Variants in PDE8B observed in about 807,000 individuals in gnomAD.
PDE8B encodes the protein high affinity cAMP-specific and IBMX-insensitive 3',5'-cyclic phosphodiesterase 8B.
PDE8B carries 26 observed loss-of-function variants against 101.3 expected under a neutral mutation model. The observed-to-expected ratio is 0.26, with a 90% confidence interval of 0.19 to 0.36. PDE8B has a LOEUF of 0.36. PDE8B is among the 10% of genes least tolerant of loss of function. The pLI, the probability that PDE8B is intolerant of heterozygous loss-of-function variation, is 1.00. For synonymous variants in PDE8B, 424 were observed against 429.3 expected (o/e 0.99, Z 0.15); for missense variants, 810 against 1,163.1 (o/e 0.70, Z 4.42).
At chr5:77,209,382 A>G (rs557895593), upstream of PDE8B, among the ~76,000 whole-genome samples, 1 of 152,298 alleles carries the variant, frequency 6.6e-6, no homozygotes, top group African/African-American at 2.4e-5. Flanking sequence ...AAAAAACAAA[A>G]AACAAACCTT....
intron 10 of PDE8B, among the ~76,000 whole-genome samples, chr5:77,375,739 G>A (rs1473208642): frequency 6.6e-6 from 1 of 152,000 alleles, no homozygotes; most frequent in Non-Finnish European, 1.5e-5. Flanking sequence ...GGGCTTGGGT[G>A]GCATTTTTAT....
At chr5:77,206,178 C>A (rs1177618244), upstream of PDE8B, among the ~76,000 whole-genome samples, 8 of 152,080 alleles carry the variant, frequency 5.3e-5, no homozygotes, top group Non-Finnish European at 1.2e-4. Flanking sequence ...ATAAATTCAA[C>A]AAATATTTGA....
At chr5:77,147,039 A>G in the PDE8B span, 2 of 456,386 alleles carry the variant, frequency 4.4e-6, no homozygotes, top group Admixed American at 2.5e-5. Context: ...AAAATATGAA[A>G]AGGATATTGC....
the PDE8B span, among the ~76,000 whole-genome samples, chr5:77,200,950 C>A: frequency 3.9e-5 from 6 of 152,136 alleles, no homozygotes; most frequent in Admixed American, 1.3e-4. Flanking sequence ...TGTCAAACCC[C>A]AAGAAGGGAG....
In PDE8B at chr5:77,254,208, T is replaced by C. The variant is rs527719102; in HGVS notation, c.339+42944T>C. Among the ~76,000 whole-genome samples the C allele has an allele frequency of 1.6e-4, 24 of 152,162 alleles. No individual in the cohort carries two copies. The East Asian group carries it at 3.3e-3, about 21-fold the overall frequency. On this transcript the variant is annotated intron_variant, in intron 1 of 21. Coordinates refer to ENST00000264917, the MANE Select transcript of PDE8B (RefSeq NM_003719.5). ...ATATGATGGAACTCCTTGAAAGAAC[T>C]TAAGTGTTAACTCTTTAGAAATTGA...
chr5:77,159,441 TGCTGG>T, the PDE8B span, among the ~76,000 whole-genome samples: 1 of 152,216 alleles, frequency 6.6e-6, no homozygotes. Flanking sequence ...CTTTCTCCTG[TGCTGG>T]ATGCTTCCTG....
chr5:77,182,869 C>T, the PDE8B span, among the ~76,000 whole-genome samples: 3 of 150,618 alleles, frequency 2.0e-5, no homozygotes, highest in African/African-American at 7.3e-5. Context: ...TAACACTGCT[C>T]TTTAGCTTTT....
chr5:77,327,410 A>G (rs180785224), intron 3 of PDE8B, among the ~76,000 whole-genome samples: 10 of 152,284 alleles, frequency 6.6e-5, no homozygotes, highest in African/African-American at 2.2e-4. Flanking sequence ...AAAGAAACCA[A>G]GAGAGTGTGT....
chr5:77,145,175 A>C, the PDE8B span: 2 of 152,172 alleles, frequency 1.3e-5, no homozygotes, highest in Non-Finnish European at 2.9e-5. Context: ...TAAAAGCAGA[A>C]ACACACAAAT....
intron 10 of PDE8B, among the ~76,000 whole-genome samples, chr5:77,378,970 A>G (rs951854152): frequency 6.6e-6 from 1 of 151,728 alleles, no homozygotes. Flanking sequence ...AAGACATTAG[A>G]GAGAAACTAG....
At chr5:77,413,051 A>C (rs930406349) in intron 16 of PDE8B, 60 bp from the exon 17 acceptor site, 1 of 1,411,956 alleles carries the variant, frequency 7.1e-7, no homozygotes, top group East Asian at 2.3e-5. Context: ...CTATCATCAA[A>C]GAAAACAGTT....
At chr5:77,419,315 T>C (rs535913442) in intron 18 of PDE8B, among the ~76,000 whole-genome samples, 10 of 152,334 alleles carry the variant, frequency 6.6e-5, no homozygotes, top group African/African-American at 2.2e-4. Context: ...GAATTACTTA[T>C]TAACAGGAAA....
chr5:77,271,216 TTTTC>T (rs1762732193), intron 1 of PDE8B, among the ~76,000 whole-genome samples: 1 of 152,254 alleles, frequency 6.6e-6, no homozygotes, highest in African/African-American at 2.4e-5. Flanking sequence ...ATATGGTTCC[TTTTC>T]TTTCTTCTTT....
the PDE8B span, among the ~76,000 whole-genome samples, chr5:77,174,309 C>T: frequency 1.3e-5 from 2 of 152,204 alleles, no homozygotes; most frequent in African/African-American, 4.8e-5. Context: ...AGCATCCCCA[C>T]TCACAGCCAC....
chr5:77,393,921 C>T (rs908544013), intron 10 of PDE8B, among the ~76,000 whole-genome samples: 3 of 152,150 alleles, frequency 2.0e-5, no homozygotes, highest in African/African-American at 7.2e-5. Context: ...GACTTTTTAT[C>T]GGCTCTATAA....
chr5:77,291,379 G>A (rs1374484619), intron 1 of PDE8B: 2 of 1,611,810 alleles, frequency 1.2e-6, no homozygotes, highest in African/African-American at 2.7e-5. Flanking sequence ...GTCTATGGGG[G>A]CAAGGTTATG....
intron 10 of PDE8B, among the ~76,000 whole-genome samples, chr5:77,388,540 A>G (rs1266376187): frequency 1.3e-5 from 2 of 152,196 alleles, no homozygotes; most frequent in Non-Finnish European, 2.9e-5. Context: ...CAGTCAGGAT[A>G]CATGGGGGTC....
chr5:77,415,663 T>C (rs1795387589), intron 17 of PDE8B, among the ~76,000 whole-genome samples: 1 of 152,052 alleles, frequency 6.6e-6, no homozygotes, highest in Admixed American at 6.6e-5. Context: ...CCAGCCAGGC[T>C]AAAATTCTTA....
intron 9 of PDE8B, among the ~76,000 whole-genome samples, chr5:77,352,387 A>G (rs1426830265): frequency 1.3e-5 from 2 of 152,260 alleles, no homozygotes; most frequent in Non-Finnish European, 2.9e-5. Flanking sequence ...CAGAGGAGAC[A>G]TGCTATTGCC....
Sources: gnomAD v4.1 joint callset for allele counts (sites outside exome capture counted in the v4.1 genomes callset) on GRCh38, gnomAD v4.1.1 for gene constraint, MANE v1.5 for transcripts, NCBI Gene and HGNC (gene_info 2026-07-23, HGNC 2026-07-21) for gene names.